Variants in AGAP2 observed in about 807,000 individuals in gnomAD.
AGAP2 encodes the protein arf-GAP with GTPase, ANK repeat and PH domain-containing protein 2.
Under a neutral mutation model 110.9 loss-of-function variants are expected in AGAP2, and 32 were observed. The observed-to-expected ratio is 0.29, with a 90% CI of 0.22 to 0.39. AGAP2 has a LOEUF of 0.39. AGAP2 is among the 10% of genes least tolerant of loss of function. The pLI is 1.00. For synonymous variants in AGAP2, 702 were observed against 713.0 expected (o/e 0.98, Z 0.25); for missense variants, 1,285 against 1,638.5 (o/e 0.78, Z 3.72).
chr12:57,726,605 G>A lies in AGAP2; in HGVS notation c.3526C>T (p.Arg1176Trp). ...SITATPSPRR[R>W]SSAASVGRAD... ...CGGCCCACGCTAGCGGCGCTGCTCC[G>A]GCGGCGGGGGCTGGGCGTGGCGGTG... The change falls in exon 19 of 19, where the codon CGG becomes TGG. Residue 1176 changes from arginine to tryptophan, a missense_variant. Arg to Trp is a moderately radical substitution (Grantham distance 101). Coordinates refer to ENST00000547588, the MANE Select transcript of AGAP2 (RefSeq NM_001122772.3). The surrounding 1 kb of genome is among the most constrained non-coding windows in gnomAD (Gnocchi z 5.7). 1.7e-6 allele frequency: 2 copies of A among 1,201,022 alleles called. No homozygotes were observed. The highest frequency in any genetic ancestry group is 2.1e-6 in the Non-Finnish European group (2 of 968,068). 74.4% of individuals were successfully genotyped at this position (1,201,022 alleles called of 1,614,324 possible).
intron 14 of AGAP2, 91 bp from the exon 15 acceptor site, chr12:57,728,176 G>A (rs942395834): frequency 6.5e-7 from 1 of 1,529,296 alleles, no homozygotes; most frequent in Non-Finnish European, 8.8e-7. Flanking sequence ...TCCATCCCGA[G>A]CCCCTGGGAG....
rs1429172619 is a variant in AGAP2 at position 57,726,959 on chromosome 12, C to T, written c.3336+15G>A. 1 of 1,538,652 alleles carries T rather than the reference C, an allele frequency of 6.5e-7. No homozygotes were observed. Among genetic ancestry groups the T allele is most frequent in the South Asian group, 1.2e-5 (1 of 81,796 alleles). On this transcript the variant is annotated intron_variant, in intron 18 of 18. Transcript: ENST00000547588. This position sits in a 1 kb window ranked among gnomAD's most constrained non-coding sequence, Gnocchi z 5.7. The stretch of plus-strand genomic sequence containing the variant: ...AAGCCTCAAAGACCCCCTTTCCTCC[C>T]CCCAGCTCACGTACCCACAGCAGCA...
chr12:57,728,049 C>A lies in AGAP2; in HGVS notation c.2654G>T (p.Gly885Val), dbSNP rs1405652444. The change falls in exon 15 of 19, where the codon GGT (glycine) becomes GTT (valine). Residue 885 changes from glycine (G) to valine (V), a missense_variant. Around this residue, in one of 7 missense-constraint regions of AGAP2, gnomAD observed 25 missense variants for 67.5 expected, o/e 0.37. Coordinates refer to ENST00000547588, the MANE Select transcript of AGAP2 (RefSeq NM_001122772.3). ...GGCTGCCTCAAAGTGCCACGTCTGA[C>A]CCGTGCTGGACACGATCAGGAACTC... The part of the protein sequence containing the change: ...NFEFLIVSST[G>V]QTWHFEAASF... The A allele has an allele frequency of 6.2e-7, 1 of 1,610,554 alleles. No homozygotes were observed. Among genetic ancestry groups the A allele is most frequent in the Non-Finnish European group, 8.5e-7 (1 of 1,178,006 alleles).
At chr12:57,735,089 A>G (rs527650810) in intron 2 of AGAP2, among the ~76,000 whole-genome samples, 2 of 152,120 alleles carry the variant, frequency 1.3e-5, no homozygotes, top group Middle Eastern at 3.4e-3. Flanking sequence ...TACAACATGA[A>G]GGCCAAAGGG....
chr12:57,724,877 TC>T (rs1954735494), downstream of AGAP2: 1 of 152,296 alleles, frequency 6.6e-6, no homozygotes, highest in Non-Finnish European at 1.5e-5. Context: ...AACAAAGCTG[TC>T]CCATCTTCCC....
chr12:57,735,556 G>A (rs564997972), intron 1 of AGAP2, 129 bp from the exon 2 acceptor site: 2 of 826,876 alleles, frequency 2.4e-6, no homozygotes, highest in African/African-American at 1.7e-5. Context: ...AGAGGTGTGT[G>A]CAACAGACAG....
chr12:57,738,270 G>A lies in AGAP2; in HGVS notation c.-24C>T, dbSNP rs1955030069. 3 of 1,489,784 alleles carry A rather than the reference G, an allele frequency of 2.0e-6. No homozygotes were observed. In the East Asian group the frequency reaches 8.2e-5, roughly 40 times the overall value. The allele number at this position is 1,489,784 out of a possible 1,614,324, so 92.3% of individuals were successfully genotyped here. On this transcript the variant is annotated 5_prime_UTR_variant, in exon 1 of 19. Transcript: ENST00000547588. The surrounding 1 kb of genome is among the most constrained non-coding windows in gnomAD (Gnocchi z 6.7). ...ATGGGGCCCGGAGACCCCCGAGCTGGGGAGGGGAGGGGACTCCCCCGGACT... is the reference window on the plus strand; with the variant it reads ...ATGGGGCCCGGAGACCCCCGAGCTGAGGAGGGGAGGGGACTCCCCCGGACT...
rs1285533754 is a variant in AGAP2, at chr12:57,728,355, T to C, written c.2580A>G (p.Leu860=). 3 of 1,613,854 alleles carry C rather than the reference T, an allele frequency of 1.9e-6. No homozygotes were observed. Among genetic ancestry groups the C allele is most frequent in the South Asian group, 2.2e-5 (2 of 91,090 alleles). Residue 860 remains leucine, a synonymous_variant, in exon 14 of 19, where the codon CTA becomes CTG. Transcript: ENST00000547588. ...TATTTCTTAAACTACCAAAGGATTT[T>C]AGTTTCCACATTTTGCGCTTGGCTG... is the stretch of plus-strand genomic sequence containing the variant. ...QAEAKRKMWK[L]KSFGSLRNIY...
At chr12:57,733,288 C>T (rs941335221) in intron 5 of AGAP2, among the ~76,000 whole-genome samples, 11 of 151,890 alleles carry the variant, frequency 7.2e-5, no homozygotes, top group African/African-American at 2.2e-4. Context: ...CAGGCGCGAG[C>T]GACAATCACC....
rs780769432 is a variant in AGAP2 at position 57,729,732 on chromosome 12, G to A, written c.2464C>T (p.Arg822Trp). 1.6e-5 allele frequency: 26 copies of A among 1,613,552 alleles called. No homozygotes were observed. Among genetic ancestry groups the A allele is most frequent in the East Asian group, 2.2e-5 (1 of 44,832 alleles). Reference sequence around the variant, plus strand: ...ACCATGGGAGAAGGAGGGGGTTCCCGACTCAGGGGGCTCAGGTCTCCAGAT... The same window carrying A: ...ACCATGGGAGAAGGAGGGGGTTCCCAACTCAGGGGGCTCAGGTCTCCAGAT... ...TPSGDLSPLS[R>W]EPPPSPMVKK... is the part of the protein sequence containing the mutation. Residue 822 changes from arginine to tryptophan, a missense_variant, in exon 13 of 19, where the codon CGG becomes TGG. Transcript: ENST00000547588.
chr12:57,742,061 T>G (rs1955083459), upstream of AGAP2: 7 of 1,614,094 alleles, frequency 4.3e-6, no homozygotes, highest in African/African-American at 8.0e-5. Context: ...GAACTGCCTC[T>G]GGGCATGCAT....
chr12:57,726,407 G>A lies in AGAP2; in HGVS notation c.*145C>T. On this transcript the variant is annotated 3_prime_UTR_variant, in exon 19 of 19. Transcript: ENST00000547588. The surrounding 1 kb of genome is among the most constrained non-coding windows in gnomAD (Gnocchi z 5.7). Reference sequence around the variant, plus strand: ...AGTTTGTGTCTTCTGGAAGGCGTGGGGGCTGTGCCCTCGTGGGGGTAGGAA... The same window carrying A: ...AGTTTGTGTCTTCTGGAAGGCGTGGAGGCTGTGCCCTCGTGGGGGTAGGAA... 1 of 797,750 alleles carries A rather than the reference G, an allele frequency of 1.3e-6. No homozygotes were observed. The highest frequency in any genetic ancestry group is 1.8e-5 in the African/African-American group (1 of 54,112). The allele number at this position is 797,750 out of a possible 1,614,324, so 49.4% of individuals were successfully genotyped here.
At chr12:57,735,521 C>CA (rs966731633) in intron 1 of AGAP2, 94 bp from the exon 2 acceptor site, 9 of 1,152,150 alleles carry the variant, frequency 7.8e-6, no homozygotes, top group South Asian at 6.7e-5. Flanking sequence ...GCTTTCCAAC[C>CA]CCCCCCCAAC....
Position 57,726,773 on chromosome 12 carries a change from G to A in AGAP2, c.3358C>T (p.Arg1120Cys), listed in dbSNP as rs1954771978. The change falls in exon 19 of 19, where the codon CGT becomes TGT. Residue 1120 changes from arginine (R) to cysteine (C), a missense_variant. Transcript: ENST00000547588. The surrounding 1 kb of genome is among the most constrained non-coding windows in gnomAD (Gnocchi z 5.7). The stretch of plus-strand genomic sequence containing the variant: ...AGCGCCGTGCGGCCCTGGGCGTCAC[G>A]GGCCGCCACGTCCGCGCCGTACTAG... ...LLWYGADVAA[R>C]DAQGRTALFY... 3 of 1,356,906 alleles carry A rather than the reference G, an allele frequency of 2.2e-6. No individual in the cohort carries two copies. The highest frequency in any genetic ancestry group is 1.9e-6 in the Non-Finnish European group (2 of 1,059,498). 84.1% of individuals were successfully genotyped at this position (1,356,906 alleles called of 1,614,324 possible). A position where few individuals can be genotyped will look rare whatever the true frequency, so the allele number is the denominator to read the frequency against.
At chr12:57,735,530 A>C (rs1954965370) in intron 1 of AGAP2, 103 bp from the exon 2 acceptor site, 31 of 1,072,308 alleles carry the variant, frequency 2.9e-5, no homozygotes, top group Non-Finnish European at 3.8e-5. Flanking sequence ...CCCCCCCCCA[A>C]CCCTGCCTGC....
rs1348856023 is a variant in AGAP2, at chr12:57,727,464, T to A, written c.2976A>T (p.Pro992=). 10 of 1,610,082 alleles carry A rather than the reference T, an allele frequency of 6.2e-6. No individual in the cohort carries two copies. Among genetic ancestry groups the A allele is most frequent in the Non-Finnish European group, 8.5e-6 (10 of 1,178,690 alleles). Reference sequence around the variant, plus strand: ...CCGTCAGCACCAGGGTCAGCTCCCGTGGCCAGTCGTCCAAGTCCAGCGAGC... The same window carrying A: ...CCGTCAGCACCAGGGTCAGCTCCCGAGGCCAGTCGTCCAAGTCCAGCGAGC... ...RVRSLDLDDW[P]RELTLVLTAI... The change falls in exon 17 of 19, where the codon CCA becomes CCT. Residue 992 remains proline (P), a synonymous_variant. Transcript: ENST00000547588.
rs148450672 is a variant in AGAP2 at position 57,730,577 on chromosome 12, G to C, written c.2346C>G (p.Pro782=). 1.1e-5 allele frequency: 18 copies of C among 1,614,014 alleles called. No homozygotes were observed. The highest frequency in any genetic ancestry group is 6.7e-5 in the Admixed American group (4 of 59,986). Residue 782 remains proline, a synonymous_variant, in exon 12 of 19, where the codon CCC becomes CCG. Coordinates refer to ENST00000547588, the MANE Select transcript of AGAP2 (RefSeq NM_001122772.3). The stretch of plus-strand genomic sequence containing the variant: ...GATCTGGTGGTGGCTGCAGGGAACT[G>C]GGGCTGGGGCTAGGGCTTGGCATGG... ...TTPMPSPSPS[P]SSLQPPPDQT... is the part of the protein sequence containing the mutation.
intron 10 of AGAP2, 134 bp from the exon 11 acceptor site, chr12:57,731,087 G>C: frequency 1.0e-6 from 1 of 988,534 alleles, no homozygotes; most frequent in East Asian, 2.6e-5. Context: ...TGAACATCTA[G>C]GGGATGGGCC....
In AGAP2 at chr12:57,730,608, G is replaced by A; in HGVS notation, c.2315C>T (p.Thr772Ile). 2 of 1,613,106 alleles carry A rather than the reference G, an allele frequency of 1.2e-6. No homozygotes were observed. Among genetic ancestry groups the A allele is most frequent in the Non-Finnish European group, 1.7e-6 (2 of 1,179,592 alleles). The change falls in exon 12 of 19, where the codon ACT (threonine) becomes ATT (isoleucine). Residue 772 changes from threonine (T) to isoleucine (I), a missense_variant. Thr to Ile is a moderately conservative substitution (Grantham distance 89). Transcript: ENST00000547588. ...GGGGCTAGGGCTTGGCATGGGAGTA[G>A]TGGCTTCTGTCGGAAGAAGATGAAA... Reference protein sequence around the residue: ...TVQMGEGLEATTPMPSPSPSP... With the variant: ...TVQMGEGLEAITPMPSPSPSP...
Sources: gnomAD v4.1 joint callset for allele counts (sites outside exome capture counted in the v4.1 genomes callset) on GRCh38, gnomAD v4.1.1 for gene constraint, gnomAD v4.1.1 regional missense constraint, Gnocchi (gnomAD v3.1) non-coding constraint, MANE v1.5 for transcripts, NCBI Gene and HGNC (gene_info 2026-07-23, HGNC 2026-07-21) for gene names.